The following PACRG variants were observed in gnomAD, a reference collection of about 807,000 sequenced individuals.
The protein encoded by PACRG is parkin coregulated, also known as parkin coregulated gene protein.
A neutral mutation model predicts 29.7 loss-of-function variants in PACRG; 29 were observed. That is an observed-to-expected ratio of 0.98 (90% CI 0.73 to 1.33). The LOEUF (loss-of-function observed/expected upper bound fraction) is 1.33, where lower values mean the gene tolerates loss of function less well. Among genes scored for constraint, PACRG ranks in the 40% most tolerant of loss-of-function variants. The probability of loss-of-function intolerance (pLI) is 0.00; values close to 1 mark genes in which losing one functional copy is unlikely to be tolerated. For missense variants in PACRG, 279 were observed against 316.2 expected, an observed-to-expected ratio of 0.88 and a Z score of 0.89; for synonymous variants, 116 against 118.7, an observed-to-expected ratio of 0.98 and a Z score of 0.15.
chr6:162,852,001 G>GGAAGGAAGGAAGGAAGGAAGGAAGGA (rs1554291923), intron 2 of PACRG, among the ~76,000 whole-genome samples: 2 of 100,064 alleles, frequency 2.0e-5, no homozygotes, highest in Non-Finnish European at 3.8e-5. Context: ...GGGAGGGAGG[G>GGAAGGAAGGAAGGAAGGAAGGAAGGA]AGGGAGGAAG....
At chr6:163,085,935 C>T (rs1229349021) in intron 3 of PACRG, among the ~76,000 whole-genome samples, 1 of 152,204 alleles carries the variant, frequency 6.6e-6, no homozygotes, top group Non-Finnish European at 1.5e-5. Flanking sequence ...GCATGTAATG[C>T]ATGCACTCTC....
rs137898571 is a variant in PACRG at position 163,039,131 on chromosome 6, G to A, written c.292-23019G>A. On this transcript the variant is annotated intron_variant, in intron 2 of 4. Transcript: ENST00000366888. ...CTCATAATAGAGAAGGAGTTCTCAC[G>A]AGATTTGATGGTTTATTGAGATTTT... is the stretch of plus-strand genomic sequence containing the variant. 3.0e-3 allele frequency among the ~76,000 whole-genome samples: 453 copies of A among 152,228 alleles called. 2 individuals carry two copies. The highest frequency in any genetic ancestry group is 0.01 in the African/African-American group (421 of 41,538).
chr6:163,027,885 C>G (rs1392002259), intron 2 of PACRG, among the ~76,000 whole-genome samples: 1 of 152,194 alleles, frequency 6.6e-6, no homozygotes, highest in African/African-American at 2.4e-5. Context: ...GAGAGCATCT[C>G]TTTTCCAGTG....
chr6:163,225,650 A>G (rs552518745), intron 4 of PACRG, among the ~76,000 whole-genome samples: 42 of 152,338 alleles, frequency 2.8e-4, no homozygotes, highest in Non-Finnish European at 5.3e-4. Context: ...AACAGTATGG[A>G]GGTTCCTCAA....
chr6:163,067,999 A>G (rs918971791), intron 3 of PACRG, among the ~76,000 whole-genome samples: 1 of 152,370 alleles, frequency 6.6e-6, no homozygotes, highest in African/African-American at 2.4e-5. Context: ...TAAATAACCC[A>G]GATTTATCTG....
At chr6:162,874,631 C>T (rs1226150171) in intron 2 of PACRG, among the ~76,000 whole-genome samples, 1 of 152,088 alleles carries the variant, frequency 6.6e-6, no homozygotes, top group Admixed American at 6.5e-5. Context: ...CCCAATGTGG[C>T]GATTAGATTT....
chr6:163,100,896 T>C, intron 4 of PACRG: 1 of 984,662 alleles, frequency 1.0e-6, no homozygotes, highest in East Asian at 1.1e-4. Flanking sequence ...TGTATTATAT[T>C]CTCATGTACA....
At chr6:162,976,259 G>A (rs1001911610) in intron 2 of PACRG, among the ~76,000 whole-genome samples, 1 of 152,180 alleles carries the variant, frequency 6.6e-6, no homozygotes, top group Non-Finnish European at 1.5e-5. Flanking sequence ...GAAGGAAAAC[G>A]ATTTTGAGTT....
rs190372600 is a variant in PACRG, at chr6:163,287,599, C to T, written c.614-27228C>T. Among the ~76,000 whole-genome samples, 383 of 152,314 alleles carry T rather than the reference C, an allele frequency of 2.5e-3. 2 individuals carry two copies. The highest frequency in any genetic ancestry group is 4.7e-3 in the Non-Finnish European group (323 of 68,020). On this transcript the variant is annotated intron_variant, in intron 4 of 4. Coordinates refer to ENST00000366888, the MANE Select transcript of PACRG (RefSeq NM_001080379.2). ...CAATCCTGACCTTCTCTTAGATCAC[C>T]CCAAAGGGACACCCCGAGCCCTGAC...
At chr6:163,206,286 C>T (rs1458413257) in intron 4 of PACRG, among the ~76,000 whole-genome samples, 1 of 152,100 alleles carries the variant, frequency 6.6e-6, no homozygotes, top group Non-Finnish European at 1.5e-5. Flanking sequence ...ACACTCTTCA[C>T]AATAGCAAAG....
intron 2 of PACRG, among the ~76,000 whole-genome samples, chr6:162,958,887 A>ATATT (rs1800356452): frequency 1.7e-4 from 3 of 17,918 alleles, no homozygotes; most frequent in Non-Finnish European, 2.2e-4. Flanking sequence ...ATATATATAG[A>ATATT]GAGAGAGAGA....
chr6:163,169,384 A>AATCC (rs1186509229), intron 4 of PACRG, among the ~76,000 whole-genome samples: 2 of 152,182 alleles, frequency 1.3e-5, no homozygotes, highest in Non-Finnish European at 2.9e-5. Context: ...TGAGTGAGGA[A>AATCC]ATCCATGTCT....
chr6:163,009,593 T>A (rs1163099187), intron 2 of PACRG, among the ~76,000 whole-genome samples: 2 of 152,240 alleles, frequency 1.3e-5, no homozygotes, highest in East Asian at 1.9e-4. Context: ...CCAGGATTTT[T>A]AATCTAAACA....
intron 1 of PACRG, among the ~76,000 whole-genome samples, chr6:162,781,248 A>G (rs1343969061): frequency 6.6e-6 from 1 of 152,068 alleles, no homozygotes. Context: ...TATGCAAAAA[A>G]TTATGAACCT....
intron 1 of PACRG, among the ~76,000 whole-genome samples, chr6:162,763,382 A>G (rs1009866969): frequency 1.2e-4 from 18 of 152,358 alleles, no homozygotes; most frequent in African/African-American, 4.1e-4. Flanking sequence ...GCTCTGATAT[A>G]AAACCTAATT....
intron 2 of PACRG, among the ~76,000 whole-genome samples, chr6:162,962,508 ATTAGGT>A (rs1800708052): frequency 6.6e-6 from 1 of 152,076 alleles, no homozygotes; most frequent in African/African-American, 2.4e-5. Flanking sequence ...TTTTGGGGTA[ATTAGGT>A]TTAGCTGAGG....
intron 2 of PACRG, among the ~76,000 whole-genome samples, chr6:162,854,166 G>GTTTTTTTT (rs60399122): frequency 7.1e-6 from 1 of 140,278 alleles, no homozygotes; most frequent in Non-Finnish European, 1.5e-5. Context: ...TTTTCTTTCT[G>GTTTTTTTT]TTTTTTTTTT....
chr6:162,748,381 T>C, intron 1 of PACRG, among the ~76,000 whole-genome samples: 1 of 152,218 alleles, frequency 6.6e-6, no homozygotes, highest in Middle Eastern at 3.4e-3. Flanking sequence ...TTATCCCAGC[T>C]ACTCGGGAGG....
intron 4 of PACRG, among the ~76,000 whole-genome samples, chr6:163,255,871 A>G (rs1172011071): frequency 6.6e-6 from 1 of 152,146 alleles, no homozygotes; most frequent in Non-Finnish European, 1.5e-5. Flanking sequence ...CCTGGCCTCA[A>G]GTGATCCACC....
Sources: allele counts gnomAD v4.1 joint callset (sites outside exome capture counted in the v4.1 genomes callset), GRCh38; gene constraint gnomAD v4.1.1; transcripts MANE v1.5; gene names NCBI Gene and HGNC (gene_info 2026-07-23, HGNC 2026-07-21).